The following ZNF142 variants were observed in gnomAD, a reference collection of about 807,000 sequenced individuals.
ZNF142 encodes the protein zinc finger protein 142.
Under a neutral mutation model 132.1 loss-of-function variants are expected in ZNF142, and 96 were observed. The observed-to-expected ratio is 0.73, with a 90% CI of 0.62 to 0.86. The LOEUF is 0.86. ZNF142 is among the 40% of genes least tolerant of loss of function. The pLI is 0.00. For missense variants in ZNF142, 2,163 were observed against 2,336.2 expected (o/e 0.93, Z 1.53); for synonymous variants, 842 against 890.1 (o/e 0.95, Z 0.96).
At chr2:218,657,573 C>T (rs956378716) in intron 3 of ZNF142, among the ~76,000 whole-genome samples, 6 of 152,120 alleles carry the variant, frequency 3.9e-5, no homozygotes, top group Non-Finnish European at 7.4e-5. Context: ...GGATTACAGG[C>T]ATGTACCACC....
In ZNF142 at chr2:218,644,623, G is replaced by C; in HGVS notation, c.2493C>G (p.Asn831Lys). 1 of 1,614,228 alleles carries C rather than the reference G, an allele frequency of 6.2e-7. No individual in the cohort carries two copies. Among genetic ancestry groups the C allele is most frequent in the Non-Finnish European group, 8.5e-7 (1 of 1,180,040 alleles). Residue 831 changes from asparagine to lysine, a missense_variant, in exon 9 of 11, where the codon AAC (asparagine) becomes AAG (lysine). Transcript: ENST00000411696. The surrounding 1 kb of genome is among the most constrained non-coding windows in gnomAD (Gnocchi z 4.6). ...PTPPPDSEPS[N>K]QLSARPEGPG... is the part of the protein sequence containing the mutation. ...GCCCCTCAGGTCGGGCTGACAGCTG[G>C]TTTGAGGGCTCTGAATCTGGTGGGG...
At position 218,634,652 on chromosome 2, in the gene ZNF142, G is replaced by A. The variant is rs1465300026; in HGVS notation, c.*3687C>T. 1.2e-6 allele frequency: 2 copies of A among 1,609,204 alleles called. No homozygotes were observed. Among genetic ancestry groups the A allele is most frequent in the Non-Finnish European group, 1.7e-6 (2 of 1,177,086 alleles). On this transcript the variant is annotated 3_prime_UTR_variant, in exon 11 of 11. Coordinates refer to ENST00000411696, the MANE Select transcript of ZNF142 (RefSeq NM_001379659.1). The surrounding 1 kb of genome is among the most constrained non-coding windows in gnomAD (Gnocchi z 4.0). ...CCAGGTACAGTGGAAATAAACTGTT[G>A]GGAAGAAACTGAGATAACTGGGATA...
In ZNF142 at chr2:218,636,199, A is replaced by C; in HGVS notation, c.*2140T>G. The C allele has an allele frequency of 6.3e-7, 1 of 1,584,984 alleles. No homozygotes were observed. Reference sequence around the variant, plus strand: ...ACAAGAAAAGCAACCCAGTCAAGAAAACTGTCATAATGTCTTCTTATTTCT... The same window carrying C: ...ACAAGAAAAGCAACCCAGTCAAGAACACTGTCATAATGTCTTCTTATTTCT... On this transcript the variant is annotated 3_prime_UTR_variant, in exon 11 of 11. Coordinates refer to ENST00000411696, the MANE Select transcript of ZNF142 (RefSeq NM_001379659.1).
rs773049942 is a variant in ZNF142, at chr2:218,646,263, GT to G, written c.1958del (p.Asn653ThrfsTer48). On this transcript the variant is annotated frameshift_variant, in exon 8 of 11. Coordinates refer to ENST00000411696, the MANE Select transcript of ZNF142 (RefSeq NM_001379659.1). LOFTEE classifies it high-confidence loss of function. ...ATTCAGTGCACATGTAATCCTTGGT[GT>G]TGGAGTGGGTCAGCATGTGCTTGGA... Reference protein sequence around the residue: ...YLSKHMLTHSNTKDYMCTECG... With the variant: ...YLSKHMLTHSXTKDYMCTECG... 1 of 1,614,210 alleles carries G rather than the reference GT, an allele frequency of 6.2e-7. No individual in the cohort carries two copies. The highest frequency in any genetic ancestry group is 1.7e-5 in the Admixed American group (1 of 60,020).
rs761107692 is a variant in ZNF142, at chr2:218,644,314, C to T, written c.2802G>A (p.Leu934=). The T allele has an allele frequency of 5.6e-6, 9 of 1,614,002 alleles. No individual in the cohort carries two copies. Among genetic ancestry groups the T allele is most frequent in the Non-Finnish European group, 1.7e-6 (2 of 1,180,022 alleles). The change falls in exon 9 of 11, where the codon CTG becomes CTA. Residue 934 remains leucine (L), a synonymous_variant. Transcript: ENST00000411696. This position sits in a 1 kb window ranked among gnomAD's most constrained non-coding sequence, Gnocchi z 4.6. ...RPLGLEGPDG[L]EGPELSSFEG... ...CAAAGCTAGATAGCTCTGGTCCTTC[C>T]AGTCCATCTGGCCCTTCCAGTCCCA... is the stretch of plus-strand genomic sequence containing the variant.
Position 218,659,293 on chromosome 2 carries a change from G to C in ZNF142, c.-362+76C>G, listed in dbSNP as rs764316987. ...AGCGCCCAGGCCCACCCTGATCCCG[G>C]GGCTCGAAAAACTTTGCCTCCAGCT... On this transcript the variant is annotated intron_variant, in intron 1 of 10. Transcript: ENST00000411696. This position sits in a 1 kb window ranked among gnomAD's most constrained non-coding sequence, Gnocchi z 4.4. The C allele has an allele frequency of 1.3e-5, 2 of 152,772 alleles. No individual in the cohort carries two copies. Among genetic ancestry groups the C allele is most frequent in the Non-Finnish European group, 2.9e-5 (2 of 68,572 alleles). 9.5% of individuals were successfully genotyped at this position (152,772 alleles called of 1,614,324 possible).
chr2:218,654,287 C>A (rs1334580919), intron 4 of ZNF142, among the ~76,000 whole-genome samples: 1 of 151,968 alleles, frequency 6.6e-6, no homozygotes, highest in African/African-American at 2.4e-5. Context: ...ATTTGTATCT[C>A]CATAAGCTGT....
chr2:218,646,227 G>A lies in ZNF142; in HGVS notation c.1995C>T (p.Val665=), dbSNP rs1480193672. The change falls in exon 8 of 11, where the codon GTC becomes GTT. Residue 665 remains valine (V), a synonymous_variant. Coordinates refer to ENST00000411696, the MANE Select transcript of ZNF142 (RefSeq NM_001379659.1). ...KDYMCTECGY[V]TKWKHYLRVH... The stretch of plus-strand genomic sequence containing the variant: ...CACGGAGGTAGTGCTTCCACTTGGT[G>A]ACATAGCCACATTCAGTGCACATGT... 6.2e-7 allele frequency: 1 copy of A among 1,614,214 alleles called. No homozygotes were observed. The highest frequency in any genetic ancestry group is 1.7e-5 in the Admixed American group (1 of 60,030).
chr2:218,634,405 G>A lies in ZNF142; in HGVS notation c.*3934C>T. 6.3e-7 allele frequency: 1 copy of A among 1,586,752 alleles called. No homozygotes were observed. Among genetic ancestry groups the A allele is most frequent in the South Asian group, 1.2e-5 (1 of 86,512 alleles). On this transcript the variant is annotated 3_prime_UTR_variant, in exon 11 of 11. Transcript: ENST00000411696. The surrounding 1 kb of genome is among the most constrained non-coding windows in gnomAD (Gnocchi z 4.0). The stretch of plus-strand genomic sequence containing the variant: ...ATCTTCTTAACTCCCTGAAAGAGGG[G>A]CTGGAAGGCCTCCATGGTGAATCTT...
rs1463446610 is a variant in ZNF142, at chr2:218,649,327, G to A, written c.1181C>T (p.Pro394Leu). The part of the protein sequence containing the change: ...LHFPDPSLQC[P>L]NCQKFFTSKS... Reference sequence around the variant, plus strand: ...ACTGGTGAAGAACTTCTGGCAGTTAGGGCACTGGAGGCTGGGGTCTGGGAA... The same window carrying A: ...ACTGGTGAAGAACTTCTGGCAGTTAAGGCACTGGAGGCTGGGGTCTGGGAA... The change falls in exon 7 of 11, where the codon CCT (proline) becomes CTT (leucine). Residue 394 changes from proline to leucine, a missense_variant. By Grantham distance (98) the Pro-to-Leu change is moderately conservative (BLOSUM62 -3). Around this residue, in one of 7 missense-constraint regions of ZNF142, gnomAD observed 749 missense variants for 830.3 expected, o/e 0.90. Transcript: ENST00000411696. 1 of 1,614,242 alleles carries A rather than the reference G, an allele frequency of 6.2e-7. No individual in the cohort carries two copies. The highest frequency in any genetic ancestry group is 8.5e-7 in the Non-Finnish European group (1 of 1,180,042).
In ZNF142 at chr2:218,640,930, A is replaced by AT. The variant is rs34502703; in HGVS notation, c.5089-162dup. ...TTAATCTTCAGTTTACTTGCTAGGG[A>AT]TTTTTTTTTTTTTTTTTTTAAAGAG... On this transcript the variant is annotated intron_variant, in intron 9 of 10. Transcript: ENST00000411696. Among the ~76,000 whole-genome samples, 3,525 of 135,140 alleles carry AT rather than the reference A, an allele frequency of 0.026. 109 individuals carry two copies. Among genetic ancestry groups the AT allele is most frequent in the African/African-American group, 0.075 (2,783 of 36,942 alleles). The allele number at this position is 135,140 out of a possible 152,430, so 88.7% of individuals were successfully genotyped here. A position where few individuals can be genotyped will look rare whatever the true frequency, so the allele number is the denominator to read the frequency against.
Position 218,643,286 on chromosome 2 carries a change from G to A in ZNF142, c.3830C>T (p.Ala1277Val). The A allele has an allele frequency of 6.2e-7, 1 of 1,614,212 alleles. No homozygotes were observed. Among genetic ancestry groups the A allele is most frequent in the Non-Finnish European group, 8.5e-7 (1 of 1,180,034 alleles). Reference protein sequence around the residue: ...DVSPLSNGDSAPPKNGSTESS... With the variant: ...DVSPLSNGDSVPPKNGSTESS... ...CTCTGTACTCCCATTCTTCGGGGGAGCAGAGTCCCCATTGCTCAACGGGGA... is the reference window on the plus strand; with the variant it reads ...CTCTGTACTCCCATTCTTCGGGGGAACAGAGTCCCCATTGCTCAACGGGGA... Residue 1277 changes from alanine to valine, a missense_variant, in exon 9 of 11, where the codon GCT (alanine) becomes GTT (valine). By Grantham distance (64) the Ala-to-Val change is moderately conservative. This residue lies in a region of ZNF142 where 809 missense variants were observed against 801.7 expected (regional missense o/e 1.01). Transcript: ENST00000411696.
chr2:218,644,176 T>A lies in ZNF142; in HGVS notation c.2940A>T (p.Val980=), dbSNP rs761197590. The change falls in exon 9 of 11, where the codon GTA becomes GTT. Residue 980 remains valine (V), a synonymous_variant. Coordinates refer to ENST00000411696, the MANE Select transcript of ZNF142 (RefSeq NM_001379659.1). The surrounding 1 kb of genome is among the most constrained non-coding windows in gnomAD (Gnocchi z 4.6). ...CAGGTGGAGTTGTCTTGAAGGTTCCTACCCAGTTGTTAGGAGCCTCCTCTA... is the reference window on the plus strand; with the variant it reads ...CAGGTGGAGTTGTCTTGAAGGTTCCAACCCAGTTGTTAGGAGCCTCCTCTA... The part of the protein sequence containing the change: ...PSLEEAPNNW[V]GTFKTTPPAE... The A allele has an allele frequency of 9.3e-6, 15 of 1,614,124 alleles. No individual in the cohort carries two copies. Among genetic ancestry groups the A allele is most frequent in the Admixed American group, 5.0e-5 (3 of 60,028 alleles).
At position 218,642,853 on chromosome 2, in the gene ZNF142, T is replaced by A; in HGVS notation, c.4263A>T (p.Arg1421=). The change falls in exon 9 of 11, where the codon CGA becomes CGT. Residue 1421 remains arginine (R), a synonymous_variant. Coordinates refer to ENST00000411696, the MANE Select transcript of ZNF142 (RefSeq NM_001379659.1). This position sits in a 1 kb window ranked among gnomAD's most constrained non-coding sequence, Gnocchi z 4.6. The part of the protein sequence containing the change: ...RRYRLEAHQS[R]HTGIGRIPCS... Reference sequence around the variant, plus strand: ...AGGGGATGCGGCCAATGCCTGTGTGTCGGGACTGGTGAGCCTCTAACCGGT... The same window carrying A: ...AGGGGATGCGGCCAATGCCTGTGTGACGGGACTGGTGAGCCTCTAACCGGT... The A allele has an allele frequency of 6.2e-7, 1 of 1,614,136 alleles. No individual in the cohort carries two copies. The highest frequency in any genetic ancestry group is 2.2e-5 in the East Asian group (1 of 44,890).
At chr2:218,640,011 T>G (rs11694095) in intron 10 of ZNF142, among the ~76,000 whole-genome samples, 142,886 of 143,822 alleles carry the variant, frequency 0.99, 70,983 homozygotes, top group East Asian at 1. Context: ...GCAGTGAGCT[T>G]AGATTGCGCC....
chr2:218,642,700 G>T lies in ZNF142; in HGVS notation c.4416C>A (p.Ile1472=). Residue 1472 remains isoleucine, a synonymous_variant, in exon 9 of 11, where the codon ATC becomes ATA. Coordinates refer to ENST00000411696, the MANE Select transcript of ZNF142 (RefSeq NM_001379659.1). This position sits in a 1 kb window ranked among gnomAD's most constrained non-coding sequence, Gnocchi z 4.6. The part of the protein sequence containing the change: ...CDYSGYLRHD[I]TRHVNSCHQG... The stretch of plus-strand genomic sequence containing the variant: ...GGTGGCAGCTGTTGACATGACGAGT[G>T]ATGTCATGGCGAAGGTAGCCACTAT... 6.2e-7 allele frequency: 1 copy of T among 1,614,102 alleles called. No homozygotes were observed.
rs1328726753 is a variant in ZNF142, at chr2:218,644,797, G to C, written c.2319C>G (p.Phe773Leu). ...ENCKHTRLRE[F>L]HCALCDYRTF... Reference sequence around the variant, plus strand: ...TGCGGTAGTCACAGAGGGCACAGTGGAACTCACGGAGGCGGGTATGCTTGC... The same window carrying C: ...TGCGGTAGTCACAGAGGGCACAGTGCAACTCACGGAGGCGGGTATGCTTGC... The change falls in exon 9 of 11, where the codon TTC becomes TTG. Residue 773 changes from phenylalanine (F) to leucine (L), a missense_variant. Phe to Leu is a conservative substitution (Grantham distance 22). Around this residue, in one of 7 missense-constraint regions of ZNF142, gnomAD observed 749 missense variants for 830.3 expected, o/e 0.90. Transcript: ENST00000411696. The surrounding 1 kb of genome is among the most constrained non-coding windows in gnomAD (Gnocchi z 4.6). 1 of 1,614,108 alleles carries C rather than the reference G, an allele frequency of 6.2e-7. No individual in the cohort carries two copies. Among genetic ancestry groups the C allele is most frequent in the Non-Finnish European group, 8.5e-7 (1 of 1,180,052 alleles).
intron 9 of ZNF142, among the ~76,000 whole-genome samples, chr2:218,641,655 T>C (rs890488584): frequency 6.6e-6 from 1 of 151,994 alleles, no homozygotes; most frequent in Non-Finnish European, 1.5e-5. Context: ...TCCTCCCACC[T>C]CAGCCTCCTG....
chr2:218,641,888 G>A, intron 9 of ZNF142, 140 bp downstream of exon 9: 1 of 1,120,760 alleles, frequency 8.9e-7, no homozygotes. Context: ...TTTAACAGAT[G>A]AAGAATCTGA....
Sources: allele counts gnomAD v4.1 joint callset (sites outside exome capture counted in the v4.1 genomes callset), GRCh38; gene constraint gnomAD v4.1.1; regional missense constraint gnomAD v4.1.1; non-coding constraint Gnocchi (gnomAD v3.1); transcripts MANE v1.5; gene names NCBI Gene and HGNC (gene_info 2026-07-23, HGNC 2026-07-21).